Variants in NALF1 observed in about 807,000 individuals in gnomAD.
NALF1 encodes NALCN channel auxiliary factor 1.
A neutral mutation model predicts 48.4 loss-of-function variants in NALF1; 3 were observed. The ratio of observed to expected loss-of-function variants is 0.06; its 90% CI spans 0.03 to 0.16. The LOEUF is 0.16. NALF1 is among the 10% of genes least tolerant of loss of function. The pLI is 1.00. For synonymous variants in NALF1, 262 were observed against 245.7 expected (o/e 1.07, Z -0.62); for missense variants, 526 against 571.5 (o/e 0.92, Z 0.81).
At chr13:107,690,816 CAG>C (rs774132358) in intron 1 of NALF1, among the ~76,000 whole-genome samples, 6 of 152,228 alleles carry the variant, frequency 3.9e-5, no homozygotes, top group Non-Finnish European at 8.8e-5. Context: ...AACGCTCGTG[CAG>C]AGTTTCTAAC....
At chr13:107,604,293 T>A (rs1226791993) in intron 1 of NALF1, among the ~76,000 whole-genome samples, 1 of 152,198 alleles carries the variant, frequency 6.6e-6, no homozygotes, top group African/African-American at 2.4e-5. Flanking sequence ...TGGTGGCTTT[T>A]AATCCAAATA....
chr13:107,390,757 AG>A (rs1460035239), intron 1 of NALF1, among the ~76,000 whole-genome samples: 2 of 152,124 alleles, frequency 1.3e-5, no homozygotes, highest in Non-Finnish European at 2.9e-5. Context: ...GTAAATTGCC[AG>A]ACTTCACATA....
At chr13:107,206,986 C>G (rs958661516) in intron 2 of NALF1, among the ~76,000 whole-genome samples, 1 of 152,094 alleles carries the variant, frequency 6.6e-6, no homozygotes, top group East Asian at 1.9e-4. Context: ...GGAAACTCCA[C>G]CTATTCCTTT....
intron 1 of NALF1, among the ~76,000 whole-genome samples, chr13:107,226,755 T>C (rs1455606352): frequency 2.6e-5 from 4 of 152,184 alleles, no homozygotes; most frequent in African/African-American, 7.2e-5. Context: ...AGCAACTAGA[T>C]AAAGGTCTTA....
chr13:107,741,682 C>T (rs1005130520), intron 1 of NALF1, among the ~76,000 whole-genome samples: 1 of 152,178 alleles, frequency 6.6e-6, no homozygotes, highest in Non-Finnish European at 1.5e-5. Flanking sequence ...CAACACACAA[C>T]TCAGGAGCCA....
chr13:107,486,174 A>C (rs1002076516), intron 1 of NALF1, among the ~76,000 whole-genome samples: 17 of 152,290 alleles, frequency 1.1e-4, no homozygotes, highest in African/African-American at 2.9e-4. Context: ...ATCAACGTTA[A>C]CAAGGTTCGG....
chr13:107,336,547 A>G (rs1010724592), intron 1 of NALF1, among the ~76,000 whole-genome samples: 1 of 152,142 alleles, frequency 6.6e-6, no homozygotes, highest in African/African-American at 2.4e-5. Context: ...CATTCTACAG[A>G]GGAGAGAACA....
intron 1 of NALF1, among the ~76,000 whole-genome samples, chr13:107,750,414 T>G (rs1245960522): frequency 6.6e-6 from 1 of 152,220 alleles, no homozygotes; most frequent in African/African-American, 2.4e-5. Context: ...CTGAGCTGCA[T>G]AACCATTTTT....
At chr13:107,514,480 A>AT (rs1165919545) in intron 1 of NALF1, among the ~76,000 whole-genome samples, 1 of 150,226 alleles carries the variant, frequency 6.7e-6, no homozygotes, top group African/African-American at 2.4e-5. Flanking sequence ...CTATAAATCA[A>AT]TTTTTTTTGG....
chr13:107,861,028 G>T (rs1332583442), intron 1 of NALF1, among the ~76,000 whole-genome samples: 1 of 152,154 alleles, frequency 6.6e-6, no homozygotes. Flanking sequence ...CTAAAAATAT[G>T]TATTCCATGG....
At chr13:107,754,069 G>A (rs1193061018) in intron 1 of NALF1, among the ~76,000 whole-genome samples, 4 of 152,146 alleles carry the variant, frequency 2.6e-5, no homozygotes, top group African/African-American at 7.2e-5. Flanking sequence ...AATCCATGGG[G>A]AATAAAAGAG....
intron 1 of NALF1, among the ~76,000 whole-genome samples, chr13:107,366,215 A>T (rs1883148951): frequency 6.6e-6 from 1 of 152,230 alleles, no homozygotes; most frequent in Non-Finnish European, 1.5e-5. Flanking sequence ...TGTGAAATCT[A>T]GATTTAAATA....
chr13:107,481,141 A>G (rs1009627170), intron 1 of NALF1, among the ~76,000 whole-genome samples: 1 of 152,146 alleles, frequency 6.6e-6, no homozygotes, highest in Non-Finnish European at 1.5e-5. Context: ...ATTACTTTTA[A>G]ACTGCTTTGA....
chr13:107,222,406 T>C (rs966984173), intron 1 of NALF1, among the ~76,000 whole-genome samples: 1 of 152,216 alleles, frequency 6.6e-6, no homozygotes, highest in African/African-American at 2.4e-5. Flanking sequence ...TAAATATTCA[T>C]TTATATACAC....
chr13:107,543,305 T>C (rs1265025250), intron 1 of NALF1, among the ~76,000 whole-genome samples: 2 of 152,042 alleles, frequency 1.3e-5, no homozygotes, highest in Non-Finnish European at 2.9e-5. Context: ...TTAGCCCACT[T>C]TATATAAAAT....
intron 1 of NALF1, among the ~76,000 whole-genome samples, chr13:107,463,506 T>C (rs1884952879): frequency 6.6e-6 from 1 of 152,164 alleles, no homozygotes; most frequent in South Asian, 2.1e-4. Flanking sequence ...GAGATACAGG[T>C]ATATTGAGTA....
At position 107,548,576 on chromosome 13, in the gene NALF1, C is replaced by A. The variant is rs545859273; in HGVS notation, c.915+317106G>T. ...CACAATAATTGAATGAATTTACAGT[C>A]CCACCCACAATGTATGAGTGTCCTT... On this transcript the variant is annotated intron_variant, in intron 1 of 2. Transcript: ENST00000375915. Among the ~76,000 whole-genome samples, 58 of 152,168 alleles carry A rather than the reference C, an allele frequency of 3.8e-4. 1 individual carries two copies. In the South Asian group the frequency reaches 5.8e-3, roughly 15 times the overall value.
intron 1 of NALF1, among the ~76,000 whole-genome samples, chr13:107,703,780 G>C (rs1881882529): frequency 6.6e-6 from 1 of 151,974 alleles, no homozygotes; most frequent in Admixed American, 6.6e-5. Flanking sequence ...CTGCAGCATA[G>C]GGAAACTCTC....
rs561356064 is a variant in NALF1 at position 107,824,827 on chromosome 13, G to A, written c.915+40855C>T. Among the ~76,000 whole-genome samples the A allele has an allele frequency of 3.3e-5, 5 of 152,286 alleles. No homozygotes were observed. The South Asian group carries it at 1.0e-3, about 32-fold the overall frequency. ...GTATGGACTGGGCTCTTCCATCGCT[G>A]CGTAGTCATAAATCATGTTTGCTTT... On this transcript the variant is annotated intron_variant, in intron 1 of 2. Transcript: ENST00000375915.
Sources: allele counts gnomAD v4.1 joint callset (sites outside exome capture counted in the v4.1 genomes callset), GRCh38; gene constraint gnomAD v4.1.1; transcripts MANE v1.5; gene names NCBI Gene and HGNC (gene_info 2026-07-23, HGNC 2026-07-21).